The following CNTNAP2 variants were observed in gnomAD, a reference collection of about 807,000 sequenced individuals.
CNTNAP2 encodes the protein contactin associated protein 2, also known as contactin-associated protein-like 2.
Under a neutral mutation model 155.2 loss-of-function variants are expected in CNTNAP2, and 98 were observed. The ratio of observed to expected loss-of-function variants is 0.63; its 90% CI spans 0.54 to 0.75. The LOEUF is 0.75. Ranked by LOEUF, CNTNAP2 falls within the 30% of genes least tolerant of loss-of-function variation. The pLI is 0.00. For missense variants in CNTNAP2, 1,727 were observed against 1,688.1 expected (o/e 1.02, Z -0.40); for synonymous variants, 651 against 631.2 (o/e 1.03, Z -0.47).
intron 1 of CNTNAP2, among the ~76,000 whole-genome samples, chr7:146,630,696 A>G (rs1799496709): frequency 6.6e-6 from 1 of 152,002 alleles, no homozygotes; most frequent in South Asian, 2.1e-4. Context: ...ATCGTATCTC[A>G]CTGTGGTATT....
intron 15 of CNTNAP2, among the ~76,000 whole-genome samples, chr7:148,003,309 AGG>A (rs999606043): frequency 1.3e-5 from 2 of 152,192 alleles, no homozygotes; most frequent in African/African-American, 2.4e-5. Flanking sequence ...TATGCTTCCA[AGG>A]TACTTCTCCC....
chr7:147,632,478 G>A lies in CNTNAP2; in HGVS notation c.1898-6628G>A, dbSNP rs150550625. On this transcript the variant is annotated intron_variant, in intron 12 of 23. Transcript: ENST00000361727. ...TTATAAGGGGCTTTTCTGCCTTTGC[G>A]TTGCTCTCATTCTCTCTTGCTGCCC... 4.0e-3 allele frequency among the ~76,000 whole-genome samples: 603 copies of A among 152,228 alleles called. 1 individual carries two copies. Among genetic ancestry groups the A allele is most frequent in the Non-Finnish European group, 6.3e-3 (431 of 68,010 alleles).
intron 10 of CNTNAP2, among the ~76,000 whole-genome samples, chr7:147,421,363 C>T (rs545156873): frequency 7.9e-5 from 12 of 152,078 alleles, no homozygotes; most frequent in African/African-American, 2.9e-4. Flanking sequence ...AGATGGTAGA[C>T]ATTGTAGAGT....
intron 1 of CNTNAP2, among the ~76,000 whole-genome samples, chr7:146,539,147 A>G (rs998418239): frequency 2.0e-5 from 3 of 152,274 alleles, no homozygotes; most frequent in Middle Eastern, 3.4e-3. Flanking sequence ...AAAGCAAACC[A>G]GTATCAAATC....
intron 13 of CNTNAP2, among the ~76,000 whole-genome samples, chr7:147,651,935 C>T (rs1036167794): frequency 2.6e-5 from 4 of 152,142 alleles, no homozygotes; most frequent in African/African-American, 9.6e-5. Flanking sequence ...ATCTTGCCAT[C>T]AACATTCCTC....
intron 1 of CNTNAP2, among the ~76,000 whole-genome samples, chr7:146,425,499 C>G (rs1796074730): frequency 6.6e-6 from 1 of 152,106 alleles, no homozygotes; most frequent in East Asian, 1.9e-4. Flanking sequence ...AGGCTGTGGT[C>G]CCTTCTCTAC....
chr7:146,364,110 CAT>C (rs1795122699), intron 1 of CNTNAP2, among the ~76,000 whole-genome samples: 1 of 152,138 alleles, frequency 6.6e-6, no homozygotes. Flanking sequence ...AAATGTTTTA[CAT>C]ATGTTATTTC....
At chr7:146,554,113 C>T (rs748677791) in intron 1 of CNTNAP2, among the ~76,000 whole-genome samples, 17 of 152,120 alleles carry the variant, frequency 1.1e-4, no homozygotes, top group Non-Finnish European at 2.2e-4. Flanking sequence ...GTGTAACTAA[C>T]GTTGAATCTA....
At chr7:147,145,506 G>A (rs972881298) in intron 8 of CNTNAP2, among the ~76,000 whole-genome samples, 2 of 152,034 alleles carry the variant, frequency 1.3e-5, no homozygotes, top group Non-Finnish European at 2.9e-5. Flanking sequence ...TGACCTGAAG[G>A]AGCTCCTCTG....
At chr7:146,910,820 T>C (rs917261091) in intron 3 of CNTNAP2, among the ~76,000 whole-genome samples, 68 of 148,632 alleles carry the variant, frequency 4.6e-4, no homozygotes, top group African/African-American at 1.6e-3. Flanking sequence ...CTAATTAAAC[T>C]AAAGAGCTTC....
At chr7:146,976,578 G>A (rs1797915711) in intron 3 of CNTNAP2, among the ~76,000 whole-genome samples, 1 of 152,186 alleles carries the variant, frequency 6.6e-6, no homozygotes, top group Admixed American at 6.5e-5. Flanking sequence ...ATGAAGAGAT[G>A]TCTAGGGTGA....
intron 18 of CNTNAP2, among the ~76,000 whole-genome samples, chr7:148,189,349 T>C (rs1190388574): frequency 4.0e-5 from 6 of 151,836 alleles, no homozygotes; most frequent in African/African-American, 1.5e-4. Context: ...GGCAAGCAAA[T>C]GGAGGAATAA....
intron 1 of CNTNAP2, among the ~76,000 whole-genome samples, chr7:146,302,479 T>C (rs1356307882): frequency 1.3e-5 from 2 of 152,164 alleles, no homozygotes; most frequent in Non-Finnish European, 2.9e-5. Flanking sequence ...TCAGAGATAG[T>C]ATTAAATGCC....
At chr7:147,160,095 A>C (rs1801998899) in intron 8 of CNTNAP2, among the ~76,000 whole-genome samples, 1 of 152,160 alleles carries the variant, frequency 6.6e-6, no homozygotes, top group African/African-American at 2.4e-5. Flanking sequence ...CCACTGAACC[A>C]CTGTGACTGA....
intron 3 of CNTNAP2, among the ~76,000 whole-genome samples, chr7:147,009,541 A>G (rs530196808): frequency 3.9e-4 from 60 of 152,218 alleles, no homozygotes; most frequent in Admixed American, 5.9e-4. Context: ...TATCATTAGT[A>G]GCCAGTGGAC....
At chr7:146,207,563 A>G (rs2116878129) in intron 1 of CNTNAP2, among the ~76,000 whole-genome samples, 1 of 151,706 alleles carries the variant, frequency 6.6e-6, no homozygotes, top group East Asian at 1.9e-4. Context: ...TTCATTTATC[A>G]ATCATAACAA....
At chr7:146,800,437 TA>T (rs1391789617) in intron 2 of CNTNAP2, among the ~76,000 whole-genome samples, 1 of 152,252 alleles carries the variant, frequency 6.6e-6, no homozygotes, top group Non-Finnish European at 1.5e-5. Flanking sequence ...GAAATTGCTT[TA>T]TCTCTCTAGA....
chr7:148,007,950 T>C (rs562902116), intron 15 of CNTNAP2, among the ~76,000 whole-genome samples: 1 of 152,302 alleles, frequency 6.6e-6, no homozygotes, highest in South Asian at 2.1e-4. Context: ...AACCTGTGAA[T>C]ATGCGACCTT....
intron 13 of CNTNAP2, among the ~76,000 whole-genome samples, chr7:147,885,511 C>G (rs1267547021): frequency 6.6e-6 from 1 of 152,118 alleles, no homozygotes; most frequent in Non-Finnish European, 1.5e-5. Context: ...ATTCAGAACT[C>G]CACCCCCCGC....
Sources: gnomAD v4.1 joint callset for allele counts (sites outside exome capture counted in the v4.1 genomes callset) on GRCh38, gnomAD v4.1.1 for gene constraint, MANE v1.5 for transcripts, NCBI Gene and HGNC (gene_info 2026-07-23, HGNC 2026-07-21) for gene names.